The following TBC1D23 variants were observed in gnomAD, a reference collection of about 807,000 sequenced individuals.
The protein encoded by TBC1D23 is HCV non-structural protein 4A-transactivated protein 1.
A neutral mutation model predicts 91.4 loss-of-function variants in TBC1D23; 55 were observed. The ratio of observed to expected loss-of-function variants is 0.60; its 90% confidence interval spans 0.48 to 0.75. The LOEUF (loss-of-function observed/expected upper bound fraction) is 0.75, where lower values mean the gene tolerates loss of function less well. TBC1D23 is among the 30% of genes least tolerant of loss of function. TBC1D23 has a pLI of 0.00. For missense variants in TBC1D23, 725 were observed against 836.1 expected, an observed-to-expected ratio of 0.87 and a Z score of 1.64; for synonymous variants, 289 against 281.0, an observed-to-expected ratio of 1.03 and a Z score of -0.28.
chr3:100,323,341 G>C (rs1379394486), intron 18 of TBC1D23, among the ~76,000 whole-genome samples: 1 of 151,978 alleles, frequency 6.6e-6, no homozygotes, highest in Non-Finnish European at 1.5e-5. Flanking sequence ...AAGAATTTTA[G>C]CTTTACACTA....
At chr3:100,307,717 C>T (rs897846337) in intron 13 of TBC1D23, among the ~76,000 whole-genome samples, 2 of 152,096 alleles carry the variant, frequency 1.3e-5, no homozygotes, top group African/African-American at 2.4e-5. Flanking sequence ...ACTTAGTAAA[C>T]GTTTGCTATT....
At chr3:100,281,261 CTAG>C (rs1292774136) in intron 2 of TBC1D23, among the ~76,000 whole-genome samples, 3 of 152,020 alleles carry the variant, frequency 2.0e-5, no homozygotes, top group African/African-American at 7.2e-5. Context: ...AATTTGAATT[CTAG>C]TAGGTCTACC....
At chr3:100,292,274 A>C (rs776359497) in intron 5 of TBC1D23, among the ~76,000 whole-genome samples, 2 of 152,204 alleles carry the variant, frequency 1.3e-5, no homozygotes, top group Non-Finnish European at 1.5e-5. Context: ...TCTTCTGGTT[A>C]ACTTGAGATC....
intron 16 of TBC1D23, among the ~76,000 whole-genome samples, chr3:100,317,270 T>A (rs1705766105): frequency 6.6e-6 from 1 of 152,088 alleles, no homozygotes; most frequent in African/African-American, 2.4e-5. Context: ...AAAAAAAGAC[T>A]CCCAAATCTC....
Position 100,321,007 on chromosome 3 carries a change from AGATATTATCT to A in TBC1D23, c.2018+39_2018+48del, listed in dbSNP as rs770908764. ...CCTTAAGATAATATTATCTGAATTC[AGATATTATCT>A]GAATTACTGTAGTTCACTATAAAGA... On this transcript the variant is annotated intron_variant, in intron 18 of 18. Coordinates refer to ENST00000394144, the MANE Select transcript of TBC1D23 (RefSeq NM_001199198.3). The A allele has an allele frequency of 4.1e-6, 6 of 1,457,418 alleles. No individual in the cohort carries two copies. In the African/African-American group the frequency reaches 7.1e-5, roughly 17 times the overall value. The allele number at this position is 1,457,418 out of a possible 1,614,324, so 90.3% of individuals were successfully genotyped here.
intron 1 of TBC1D23, among the ~76,000 whole-genome samples, chr3:100,262,723 C>CAAAAAAAAAAAA (rs1174689237): frequency 1.9e-5 from 1 of 51,414 alleles, no homozygotes; most frequent in African/African-American, 7.4e-5. Flanking sequence ...GGCTCGGTCT[C>CAAAAAAAAAAAA]AAAAAAAAAA....
chr3:100,296,122 A>G, intron 7 of TBC1D23, 50 bp from the exon 8 acceptor site: 2 of 1,067,614 alleles, frequency 1.9e-6, no homozygotes, highest in South Asian at 1.6e-5. Context: ...TACATAAACA[A>G]TATTTGCATT....
At position 100,302,159 on chromosome 3, in the gene TBC1D23, G is replaced by A; in HGVS notation, c.1185G>A (p.Gly395=). Residue 395 remains glycine (G), a synonymous_variant, in exon 11 of 19, where the codon GGG becomes GGA. Coordinates refer to ENST00000394144, the MANE Select transcript of TBC1D23 (RefSeq NM_001199198.3). ...TTGAGTCTGGCTCCATAGCTGGTGGGGAGCACCTCTGTTTTATGGGCAGTG... is the reference window on the plus strand; with the variant it reads ...TTGAGTCTGGCTCCATAGCTGGTGGAGAGCACCTCTGTTTTATGGGCAGTG... ...QSIESGSIAG[G]EHLCFMGSGR... 6.2e-7 allele frequency: 1 copy of A among 1,614,004 alleles called. No individual in the cohort carries two copies. Among genetic ancestry groups the A allele is most frequent in the African/African-American group, 1.3e-5 (1 of 75,042 alleles).
At chr3:100,309,572 A>G (rs1476871417) in intron 13 of TBC1D23, among the ~76,000 whole-genome samples, 2 of 149,860 alleles carry the variant, frequency 1.3e-5, no homozygotes, top group Non-Finnish European at 3.0e-5. Context: ...CCACGCACAT[A>G]TATGTGCAAG....
rs546298813 is a variant in TBC1D23 at position 100,296,072 on chromosome 3, C to T, written c.773-100C>T. The stretch of plus-strand genomic sequence containing the variant: ...TGTAAAAGCACCAGTGTTGAGACTC[C>T]ATTTGCATAGTATTTATGATGAAGA... On this transcript the variant is annotated intron_variant, in intron 7 of 18. Coordinates refer to ENST00000394144, the MANE Select transcript of TBC1D23 (RefSeq NM_001199198.3). 24 of 607,060 alleles carry T rather than the reference C, an allele frequency of 4.0e-5. No individual in the cohort carries two copies. In the South Asian group the frequency reaches 6.8e-4, roughly 17 times the overall value. 37.6% of individuals were successfully genotyped at this position (607,060 alleles called of 1,614,324 possible).
chr3:100,267,590 A>T (rs2067567346), intron 1 of TBC1D23, among the ~76,000 whole-genome samples: 3 of 152,212 alleles, frequency 2.0e-5, no homozygotes, highest in Admixed American at 2.0e-4. Context: ...GCAAGGAGAT[A>T]TACAGGTTGA....
At chr3:100,275,968 CAG>C (rs749035876) in intron 1 of TBC1D23, among the ~76,000 whole-genome samples, 9 of 151,306 alleles carry the variant, frequency 5.9e-5, no homozygotes, top group Non-Finnish European at 7.4e-5. Context: ...TATGTAGAGA[CAG>C]AAAGTAAATC....
At chr3:100,295,640 C>T (rs1461822530) in intron 7 of TBC1D23, among the ~76,000 whole-genome samples, 1 of 152,098 alleles carries the variant, frequency 6.6e-6, no homozygotes, top group Admixed American at 6.6e-5. Flanking sequence ...CCTACCCATC[C>T]TTAATTTACC....
intron 15 of TBC1D23, among the ~76,000 whole-genome samples, chr3:100,314,972 C>T (rs1705707781): frequency 6.6e-6 from 1 of 152,040 alleles, no homozygotes; most frequent in African/African-American, 2.4e-5. Flanking sequence ...CTTTTCCCCT[C>T]AGAAACATGT....
chr3:100,299,324 C>T lies in TBC1D23; in HGVS notation c.1085C>T (p.Ser362Leu). 1.1e-5 allele frequency: 18 copies of T among 1,599,282 alleles called. No individual in the cohort carries two copies. The highest frequency in any genetic ancestry group is 1.5e-5 in the Non-Finnish European group (18 of 1,167,148). ...GHLSTAFHLD[S>L]DLMLQNPSEF... ...TTATCAACTGCTTTCCACTTAGATT[C>T]AGACCTGGTTAGTATAAATGCTGAT... Residue 362 changes from serine (S) to leucine (L), a missense_variant, in exon 10 of 19, where the codon TCA (serine) becomes TTA (leucine). Coordinates refer to ENST00000394144, the MANE Select transcript of TBC1D23 (RefSeq NM_001199198.3).
rs1333673083 is a variant in TBC1D23, at chr3:100,299,285, A to G, written c.1046A>G (p.Tyr349Cys). The change falls in exon 10 of 19, where the codon TAT becomes TGT. Residue 349 changes from tyrosine (Y) to cysteine (C), a missense_variant. By Grantham distance (194) the Tyr-to-Cys change is radical. Coordinates refer to ENST00000394144, the MANE Select transcript of TBC1D23 (RefSeq NM_001199198.3). ...FVVDCRPAEQYNAGHLSTAFH... is the reference protein window; with the variant it reads ...FVVDCRPAEQCNAGHLSTAFH... ...GTGGATTGCCGTCCTGCAGAACAAT[A>G]TAATGCTGGGCATTTATCAACTGCT... 2 of 1,613,074 alleles carry G rather than the reference A, an allele frequency of 1.2e-6. No individual in the cohort carries two copies. The highest frequency in any genetic ancestry group is 1.7e-6 in the Non-Finnish European group (2 of 1,179,244).
At chr3:100,263,397 G>A (rs547561209) in intron 1 of TBC1D23, among the ~76,000 whole-genome samples, 3 of 152,344 alleles carry the variant, frequency 2.0e-5, no homozygotes, top group South Asian at 4.1e-4. Context: ...CCATCTGGGC[G>A]TATACGTGCA....
chr3:100,314,091 A>ATTTTTTTTTTTTTTTTTTT (rs71299383), intron 15 of TBC1D23, among the ~76,000 whole-genome samples: 2 of 94,576 alleles, frequency 2.1e-5, no homozygotes, highest in Non-Finnish European at 4.0e-5. Context: ...AGGCTACAAA[A>ATTTTTTTTTTTTTTTTTTT]TTTTTTTTTT....
chr3:100,312,010 G>C (rs996014461), intron 15 of TBC1D23, 133 bp downstream of exon 15: 7 of 620,442 alleles, frequency 1.1e-5, no homozygotes, highest in Non-Finnish European at 2.0e-5. Context: ...TCCTCATTCT[G>C]CTTTTTAGGA....
Sources: allele counts gnomAD v4.1 joint callset (sites outside exome capture counted in the v4.1 genomes callset), GRCh38; gene constraint gnomAD v4.1.1; transcripts MANE v1.5; gene names NCBI Gene and HGNC (gene_info 2026-07-23, HGNC 2026-07-21).